DGKB: variants seen among roughly 807,000 people sequenced by gnomAD.
DGKB encodes the protein diacylglycerol kinase beta, also known as 90 kDa diacylglycerol kinase.
Under a neutral mutation model 114.3 loss-of-function variants are expected in DGKB, and 67 were observed. The ratio of observed to expected loss-of-function variants is 0.59; its 90% CI spans 0.48 to 0.72. DGKB has a LOEUF of 0.72. DGKB is among the 30% of genes least tolerant of loss of function. DGKB has a pLI of 0.00. For missense variants in DGKB, 907 were observed against 975.2 expected, an observed-to-expected ratio of 0.93 and a Z score of 0.93; for synonymous variants, 398 against 323.1, an observed-to-expected ratio of 1.23 and a Z score of -2.49.
chr7:14,400,123 T>C (rs968212004), intron 21 of DGKB, among the ~76,000 whole-genome samples: 7 of 151,898 alleles, frequency 4.6e-5, no homozygotes, highest in Non-Finnish European at 7.4e-5. Flanking sequence ...TTCAATTAAA[T>C]TGCAAATCAA....
At chr7:14,413,447 T>C (rs1825219205) in intron 21 of DGKB, among the ~76,000 whole-genome samples, 1 of 152,032 alleles carries the variant, frequency 6.6e-6, no homozygotes, top group African/African-American at 2.4e-5. Context: ...GAGATGCCAA[T>C]GTGGTAGTTG....
At chr7:14,810,121 C>T (rs545145309) in intron 2 of DGKB, among the ~76,000 whole-genome samples, 26 of 152,180 alleles carry the variant, frequency 1.7e-4, no homozygotes, top group Middle Eastern at 3.4e-3. Context: ...GTTGCAAACA[C>T]GAATTACTTT....
At chr7:14,311,847 A>G (rs1324318613) in intron 23 of DGKB, among the ~76,000 whole-genome samples, 1 of 152,066 alleles carries the variant, frequency 6.6e-6, no homozygotes, top group Admixed American at 6.6e-5. Flanking sequence ...GGGTTAAGCC[A>G]TTTTCTTCTT....
chr7:14,310,043 T>C (rs1007078793), intron 23 of DGKB, among the ~76,000 whole-genome samples: 1 of 152,100 alleles, frequency 6.6e-6, no homozygotes, highest in Non-Finnish European at 1.5e-5. Context: ...ATGGCTCACA[T>C]TGAGTGAGGT....
intron 17 of DGKB, among the ~76,000 whole-genome samples, chr7:14,593,175 C>G (rs1281528282): frequency 6.6e-6 from 1 of 151,754 alleles, no homozygotes; most frequent in African/African-American, 2.4e-5. Flanking sequence ...AAATCTCAAA[C>G]AAATCTTTTA....
intron 2 of DGKB, among the ~76,000 whole-genome samples, chr7:14,780,882 CT>C (rs1190726064): frequency 6.6e-6 from 1 of 152,086 alleles, no homozygotes; most frequent in Admixed American, 6.6e-5. Flanking sequence ...ACTTACTTGC[CT>C]TTTTTTATGA....
At chr7:14,638,282 C>G (rs956393536) in intron 13 of DGKB, among the ~76,000 whole-genome samples, 3 of 152,126 alleles carry the variant, frequency 2.0e-5, no homozygotes, top group Non-Finnish European at 4.4e-5. Flanking sequence ...ATTCCGGAAA[C>G]TAAATACAAT....
chr7:14,881,592 A>C (rs935383679), intron 1 of DGKB, among the ~76,000 whole-genome samples: 2 of 152,096 alleles, frequency 1.3e-5, no homozygotes, highest in Non-Finnish European at 2.9e-5. Flanking sequence ...AATAGGCAAA[A>C]TGATTGCTAG....
intron 2 of DGKB, among the ~76,000 whole-genome samples, chr7:14,758,858 T>C (rs948982573): frequency 6.6e-5 from 10 of 152,010 alleles, no homozygotes; most frequent in African/African-American, 2.4e-4. Flanking sequence ...TTGTAAATTC[T>C]GTGGGTTTGT....
In DGKB at chr7:14,245,277, T is replaced by C. The variant is rs367669119; in HGVS notation, c.2123-67126A>G. On this transcript the variant is annotated intron_variant, in intron 23 of 25. Transcript: ENST00000402815. Reference sequence around the variant, plus strand: ...TGTCCTACTGAAAAGTGTACTAAAATCCCATATTTAATTATGATTATTTAA... The same window carrying C: ...TGTCCTACTGAAAAGTGTACTAAAACCCCATATTTAATTATGATTATTTAA... 1.2e-3 allele frequency among the ~76,000 whole-genome samples: 178 copies of C among 152,232 alleles called. 1 individual carries two copies. Among genetic ancestry groups the C allele is most frequent in the South Asian group, 8.3e-3 (40 of 4,822 alleles).
chr7:14,512,103 T>C (rs1444146799), intron 20 of DGKB, among the ~76,000 whole-genome samples: 4 of 152,092 alleles, frequency 2.6e-5, no homozygotes, highest in African/African-American at 9.7e-5. Flanking sequence ...AAAAAAATGG[T>C]GCTGATAGAT....
chr7:14,830,438 C>T (rs1846259449), intron 2 of DGKB, among the ~76,000 whole-genome samples: 1 of 151,932 alleles, frequency 6.6e-6, no homozygotes, highest in South Asian at 2.1e-4. Flanking sequence ...AGGCTGTAAA[C>T]CAGAAATATT....
intron 1 of DGKB, among the ~76,000 whole-genome samples, chr7:14,958,776 G>A (rs967532329): frequency 1.3e-5 from 2 of 152,044 alleles, no homozygotes; most frequent in Non-Finnish European, 2.9e-5. Context: ...GCTGGGCACA[G>A]AGCTGGATGT....
intron 2 of DGKB, among the ~76,000 whole-genome samples, chr7:14,762,415 G>A (rs1015643040): frequency 2.0e-5 from 3 of 152,032 alleles, no homozygotes; most frequent in African/African-American, 7.2e-5. Flanking sequence ...CTACATTTTA[G>A]GGATCAACGT....
intron 2 of DGKB, among the ~76,000 whole-genome samples, chr7:14,839,708 C>A (rs775696594): frequency 2.6e-5 from 4 of 151,766 alleles, no homozygotes; most frequent in Non-Finnish European, 5.9e-5. Context: ...ATATATTGTA[C>A]ATTCAGAGGC....
chr7:14,218,397 G>T (rs761164191), intron 23 of DGKB, among the ~76,000 whole-genome samples: 4 of 152,054 alleles, frequency 2.6e-5, no homozygotes, highest in Non-Finnish European at 5.9e-5. Context: ...TCTTGCAAAA[G>T]CATTCAATAG....
At chr7:14,725,506 A>G (rs1005762436) in intron 5 of DGKB, among the ~76,000 whole-genome samples, 2 of 152,202 alleles carry the variant, frequency 1.3e-5, no homozygotes, top group African/African-American at 4.8e-5. Context: ...ATTTCACTGT[A>G]CAGATATTGT....
intron 23 of DGKB, among the ~76,000 whole-genome samples, chr7:14,308,144 A>G (rs1460873479): frequency 6.6e-6 from 1 of 152,126 alleles, no homozygotes; most frequent in Non-Finnish European, 1.5e-5. Flanking sequence ...AAAGAAAATC[A>G]TAAAGATAAC....
intron 2 of DGKB, among the ~76,000 whole-genome samples, chr7:14,783,300 T>A (rs1839394130): frequency 1.3e-5 from 2 of 152,150 alleles, no homozygotes; most frequent in South Asian, 4.1e-4. Context: ...AGAGAATACA[T>A]TAAGCAAGAA....
Sources: gnomAD v4.1 joint callset for allele counts (sites outside exome capture counted in the v4.1 genomes callset) on GRCh38, gnomAD v4.1.1 for gene constraint, MANE v1.5 for transcripts, NCBI Gene and HGNC (gene_info 2026-07-23, HGNC 2026-07-21) for gene names.